NPAS2: variants seen among roughly 807,000 people sequenced by gnomAD.
The protein encoded by NPAS2 is neuronal PAS domain-containing protein 2.
Under a neutral mutation model 107.5 loss-of-function variants are expected in NPAS2, and 23 were observed. That is an observed-to-expected ratio of 0.21 (90% CI 0.15 to 0.30). NPAS2 has a LOEUF of 0.30. Ranked by LOEUF, NPAS2 falls within the 10% of genes least tolerant of loss-of-function variation. The pLI is 1.00. For synonymous variants in NPAS2, 403 were observed against 417.5 expected (o/e 0.97, Z 0.42); for missense variants, 756 against 1,043.3 (o/e 0.72, Z 3.79).
At position 100,854,562 on chromosome 2, in the gene NPAS2, T is replaced by C. The variant is rs1678435804; in HGVS notation, c.-23+34148T>C. Among the ~76,000 whole-genome samples the C allele has an allele frequency of 2.0e-5, 3 of 152,170 alleles. No homozygotes were observed. The South Asian group carries it at 6.2e-4, about 32-fold the overall frequency. ...GCATTTTCCCCCCAGCTTTTATACA[T>C]CAGTCCTAGGGAAAGATTCTAATTG... On this transcript the variant is annotated intron_variant, in intron 1 of 20. Transcript: ENST00000335681.
intron 7 of NPAS2, among the ~76,000 whole-genome samples, chr2:100,954,672 AAAAAAAAAG>A (rs1432819557): frequency 1.6e-5 from 2 of 122,994 alleles, no homozygotes; most frequent in South Asian, 3.3e-4. Context: ...CTCAAAAAAA[AAAAAAAAAG>A]AAAAAAAAGA....
At chr2:100,966,991 C>A (rs1049349436) in intron 10 of NPAS2, among the ~76,000 whole-genome samples, 2 of 152,174 alleles carry the variant, frequency 1.3e-5, no homozygotes, top group African/African-American at 2.4e-5. Context: ...AAAACTGTAA[C>A]TCCTTGCTCC....
At chr2:100,866,628 A>C (rs955197163) in intron 1 of NPAS2, among the ~76,000 whole-genome samples, 12 of 152,234 alleles carry the variant, frequency 7.9e-5, no homozygotes, top group Non-Finnish European at 1.3e-4. Context: ...CCACAGGGAA[A>C]GGCAAAGAAC....
chr2:100,991,237 C>G (rs1363477715), intron 19 of NPAS2, among the ~76,000 whole-genome samples: 2 of 152,154 alleles, frequency 1.3e-5, no homozygotes, highest in African/African-American at 2.4e-5. Flanking sequence ...CGCAGGCACA[C>G]TTGGTGCTCC....
At chr2:100,974,721 G>T in intron 12 of NPAS2, 82 bp from the exon 13 acceptor site, 1 of 1,465,370 alleles carries the variant, frequency 6.8e-7, no homozygotes, top group South Asian at 1.3e-5. Context: ...TGAGGTTGTC[G>T]ACATATTTAG....
In NPAS2 at chr2:100,988,956, C is replaced by T. The variant is rs1197368212; in HGVS notation, c.1827+680C>T. The T allele has an allele frequency of 1.3e-4, 24 of 188,064 alleles. No individual in the cohort carries two copies. In the Admixed American group the frequency reaches 1.5e-3, roughly 12 times the overall value. 11.6% of individuals were successfully genotyped at this position (188,064 alleles called of 1,614,324 possible). On this transcript the variant is annotated intron_variant, in intron 17 of 20. Transcript: ENST00000335681. ...CTCCAGGCCTCCCTGTTCCTCCAGG[C>T]GCCCCCTGCTCCTCCAGGCCCCCCT...
chr2:100,909,900 C>T (rs1465081056), intron 2 of NPAS2, among the ~76,000 whole-genome samples: 1 of 152,162 alleles, frequency 6.6e-6, no homozygotes, highest in African/African-American at 2.4e-5. Context: ...AATGCTAATT[C>T]TTCCTGTAGC....
chr2:100,900,341 C>T (rs1222983742), intron 1 of NPAS2, among the ~76,000 whole-genome samples: 1 of 152,188 alleles, frequency 6.6e-6, no homozygotes, highest in Non-Finnish European at 1.5e-5. Flanking sequence ...AAGTGCTCTG[C>T]ATCATTAGTC....
At chr2:100,959,670 C>G (rs141480662) in intron 7 of NPAS2, among the ~76,000 whole-genome samples, 1 of 152,166 alleles carries the variant, frequency 6.6e-6, no homozygotes, top group African/African-American at 2.4e-5. Context: ...CTTCCTGGAG[C>G]GAAACCTCAT....
chr2:100,928,785 G>T (rs1257691610), intron 3 of NPAS2, among the ~76,000 whole-genome samples: 1 of 152,212 alleles, frequency 6.6e-6, no homozygotes, highest in African/African-American at 2.4e-5. Flanking sequence ...AACTCTGCAG[G>T]CACCTGCAAC....
At chr2:100,829,941 A>G (rs1676624017) in intron 1 of NPAS2, among the ~76,000 whole-genome samples, 3 of 152,226 alleles carry the variant, frequency 2.0e-5, no homozygotes, top group South Asian at 2.1e-4. Flanking sequence ...AACACCCACC[A>G]CCTGCTGTCC....
chr2:100,974,795 T>C lies in NPAS2; in HGVS notation c.1141-8T>C. ...TGACATGAGGACTGTTTGATGTGTG[T>C]GTTTCAGGACAAGGGCTCAAGCCTG... On this transcript the variant is annotated splice_polypyrimidine_tract_variant and splice_region_variant and intron_variant, in intron 12 of 20. Transcript: ENST00000335681. 1 of 1,613,180 alleles carries C rather than the reference T, an allele frequency of 6.2e-7. No homozygotes were observed. Among genetic ancestry groups the C allele is most frequent in the Non-Finnish European group, 8.5e-7 (1 of 1,179,508 alleles).
intron 5 of NPAS2, among the ~76,000 whole-genome samples, chr2:100,939,200 G>A (rs903451113): frequency 2.0e-5 from 3 of 152,044 alleles, no homozygotes; most frequent in Admixed American, 6.6e-5. Context: ...TGTGCAGATC[G>A]AAGCCGCTGC....
At chr2:100,992,998 C>T (rs1678225441) in intron 19 of NPAS2, among the ~76,000 whole-genome samples, 1 of 150,908 alleles carries the variant, frequency 6.6e-6, no homozygotes, top group Non-Finnish European at 1.5e-5. Flanking sequence ...GGTGTGATCT[C>T]GGCTCACTAC....
Position 100,993,366 on chromosome 2 carries a change from G to A in NPAS2, c.2131G>A (p.Val711Met), listed in dbSNP as rs772909964. 40 of 1,599,796 alleles carry A rather than the reference G, an allele frequency of 2.5e-5. No homozygotes were observed. The highest frequency in any genetic ancestry group is 5.1e-5 in the Admixed American group (3 of 59,092). ...AAACAGGTACGCCCAGAGCCAGACC[G>A]TGTTTCAAAATCCAGACGCACACCC... ...RQVKYAQSQT[V>M]FQNPDAHPAN... The change falls in exon 20 of 21, where the codon GTG (valine) becomes ATG (methionine). Residue 711 changes from valine (V) to methionine (M), a missense_variant. This residue lies in a region of NPAS2 where 496 missense variants were observed against 594.4 expected (regional missense o/e 0.83). Coordinates refer to ENST00000335681, the MANE Select transcript of NPAS2 (RefSeq NM_002518.4).
At chr2:100,949,562 G>A (rs1427516488) in intron 7 of NPAS2, 82 bp downstream of exon 7, 1 of 791,534 alleles carries the variant, frequency 1.3e-6, no homozygotes, top group Non-Finnish European at 2.2e-6. Flanking sequence ...ATCGCCCAGG[G>A]AGGAGGAGGG....
intron 3 of NPAS2, among the ~76,000 whole-genome samples, chr2:100,927,746 T>C (rs943382862): frequency 1.3e-5 from 2 of 152,208 alleles, no homozygotes; most frequent in Non-Finnish European, 2.9e-5. Flanking sequence ...GCTCACATCT[T>C]TCTCAAATCA....
At chr2:100,851,338 G>T (rs1678161813) in intron 1 of NPAS2, among the ~76,000 whole-genome samples, 1 of 152,156 alleles carries the variant, frequency 6.6e-6, no homozygotes, top group African/African-American at 2.4e-5. Context: ...ATCCTGAAAG[G>T]TACTTCCTGT....
At chr2:100,943,621 C>T (rs1674713948) in intron 5 of NPAS2, among the ~76,000 whole-genome samples, 1 of 152,214 alleles carries the variant, frequency 6.6e-6, no homozygotes, top group Admixed American at 6.5e-5. Context: ...AGTGAACCAG[C>T]AGGGGCTATG....
Sources: gnomAD v4.1 joint callset for allele counts (sites outside exome capture counted in the v4.1 genomes callset) on GRCh38, gnomAD v4.1.1 for gene constraint, gnomAD v4.1.1 regional missense constraint, MANE v1.5 for transcripts, NCBI Gene and HGNC (gene_info 2026-07-23, HGNC 2026-07-21) for gene names.